UGT2A1: variants seen among roughly 807,000 people sequenced by gnomAD.
UGT2A1 encodes UDP glucuronosyltransferase family 2 member A1 complex locus, also known as UDP-glucuronosyltransferase 2A1.
In UGT2A1, 61 loss-of-function variants were observed where a neutral mutation model predicts 45.4. The observed-to-expected ratio is 1.34, with a 90% CI of 1.09 to 1.66. The LOEUF (loss-of-function observed/expected upper bound fraction) is 1.66. Ranked by LOEUF, UGT2A1 falls within the 40% of genes most tolerant of loss-of-function variation. UGT2A1 has a pLI of 0.00. For missense variants in UGT2A1, 649 were observed against 574.3 expected (o/e 1.13, Z -1.33); for synonymous variants, 229 against 196.2 (o/e 1.17, Z -1.40).
At chr4:69,627,570 G>GAAAA in intron 3 of UGT2A1, among the ~76,000 whole-genome samples, 1 of 144,092 alleles carries the variant, frequency 6.9e-6, no homozygotes, top group Admixed American at 7.0e-5. Flanking sequence ...GAGAGAGAAA[G>GAAAA]AAAGAGAGAA....
At chr4:69,639,432 A>G in intron 2 of UGT2A1, 1 of 1,613,268 alleles carries the variant, frequency 6.2e-7, no homozygotes, top group Non-Finnish European at 8.5e-7. Flanking sequence ...ATTGGAGTTG[A>G]TGAATAGAGT....
chr4:69,606,741 A>C (rs1262532759), intron 3 of UGT2A1, among the ~76,000 whole-genome samples: 1 of 137,008 alleles, frequency 7.3e-6, no homozygotes, highest in Non-Finnish European at 1.6e-5. Context: ...ATACAAAATC[A>C]ATGTGCAAAA....
At chr4:69,649,052 C>G (rs1289475310) in intron 1 of UGT2A1, among the ~76,000 whole-genome samples, 2 of 152,048 alleles carry the variant, frequency 1.3e-5, no homozygotes, top group Non-Finnish European at 2.9e-5. Flanking sequence ...AAAGCGATCT[C>G]TGTGAAAATA....
At chr4:69,596,479 A>G (rs902211700) in intron 4 of UGT2A1, 23 of 1,351,046 alleles carry the variant, frequency 1.7e-5, no homozygotes, top group Non-Finnish European at 2.0e-5. Flanking sequence ...GATATATGTC[A>G]GAGAAACTGT....
Position 69,599,265 on chromosome 4 carries a change from G to T in UGT2A1, c.977C>A (p.Pro326His). The T allele has an allele frequency of 6.2e-7, 1 of 1,613,588 alleles. No individual in the cohort carries two copies. The highest frequency in any genetic ancestry group is 1.1e-5 in the South Asian group (1 of 91,008). ...ACCTACCTTAGGTAAAGGTTTGGCAGGTTTGCAGTGCAATCCTCCAACAAA... is the reference window on the plus strand; with the variant it reads ...ACCTACCTTAGGTAAAGGTTTGGCATGTTTGCAGTGCAATCCTCCAACAAA... ...FEFVGGLHCK[P>H]AKPLPKVLWR... is the part of the protein sequence containing the mutation. The change falls in exon 4 of 7, where the codon CCT becomes CAT. Residue 326 changes from proline to histidine, a missense_variant. By Grantham distance (77) the Pro-to-His change is moderately conservative. Transcript: ENST00000286604.
chr4:69,596,402 C>T (rs756118487), intron 4 of UGT2A1: 28 of 1,540,472 alleles, frequency 1.8e-5, no homozygotes, highest in Non-Finnish European at 2.4e-5. Flanking sequence ...AATATATTTT[C>T]TATTACAAAG....
intron 3 of UGT2A1, among the ~76,000 whole-genome samples, chr4:69,617,577 CTG>C (rs1263682425): frequency 6.6e-6 from 1 of 151,872 alleles, no homozygotes; most frequent in East Asian, 1.9e-4. Context: ...GGAAGAAAGA[CTG>C]TTTCAAATTA....
chr4:69,621,048 C>A (rs1417800303), intron 3 of UGT2A1, among the ~76,000 whole-genome samples: 1 of 151,918 alleles, frequency 6.6e-6, no homozygotes. Context: ...CTATAGAAAC[C>A]TAGAAGACAA....
At chr4:69,632,624 T>G (rs944436856) in intron 3 of UGT2A1, among the ~76,000 whole-genome samples, 7 of 152,120 alleles carry the variant, frequency 4.6e-5, no homozygotes, top group African/African-American at 1.7e-4. Context: ...GCACAATGAC[T>G]CAGGCCTGTA....
intron 2 of UGT2A1, chr4:69,639,122 T>C: frequency 6.2e-7 from 1 of 1,613,550 alleles, no homozygotes; most frequent in Non-Finnish European, 8.5e-7. Context: ...TAAATGGAAT[T>C]CCTAATTTCA....
chr4:69,645,633 A>C, intron 2 of UGT2A1, among the ~76,000 whole-genome samples: 1 of 144,816 alleles, frequency 6.9e-6, no homozygotes, highest in Admixed American at 6.7e-5. Flanking sequence ...ACACCTCTCA[A>C]CTCTACTGCC....
intron 3 of UGT2A1, among the ~76,000 whole-genome samples, chr4:69,613,420 C>T (rs1720184942): frequency 1.3e-5 from 2 of 151,928 alleles, no homozygotes; most frequent in South Asian, 4.1e-4. Flanking sequence ...TAACTAATGT[C>T]AATTCTACTG....
At chr4:69,609,363 T>G (rs1489203147) in intron 3 of UGT2A1, among the ~76,000 whole-genome samples, 1 of 151,998 alleles carries the variant, frequency 6.6e-6, no homozygotes, top group East Asian at 1.9e-4. Context: ...CAGTTTTAAT[T>G]TTTTGTTTGT....
At chr4:69,619,475 T>C (rs920050658) in intron 3 of UGT2A1, among the ~76,000 whole-genome samples, 5 of 151,296 alleles carry the variant, frequency 3.3e-5, no homozygotes, top group African/African-American at 1.2e-4. Flanking sequence ...TAAATTGCAG[T>C]CTTACATACC....
chr4:69,623,585 A>G (rs1720877674), intron 3 of UGT2A1, among the ~76,000 whole-genome samples: 1 of 151,450 alleles, frequency 6.6e-6, no homozygotes, highest in Non-Finnish European at 1.5e-5. Flanking sequence ...ATAGATACAA[A>G]ATGTACAAAG....
At chr4:69,636,824 C>T (rs183653054) in intron 2 of UGT2A1, among the ~76,000 whole-genome samples, 4 of 152,142 alleles carry the variant, frequency 2.6e-5, no homozygotes, top group Non-Finnish European at 5.9e-5. Flanking sequence ...ATCCTCCTAA[C>T]GAATATAGTG....
Position 69,589,290 on chromosome 4 carries a change from C to A in UGT2A1, c.*82G>T. 1 of 1,411,838 alleles carries A rather than the reference C, an allele frequency of 7.1e-7. No homozygotes were observed. Among genetic ancestry groups the A allele is most frequent in the South Asian group, 1.7e-5 (1 of 58,100 alleles). The allele number at this position is 1,411,838 out of a possible 1,614,324, so 87.5% of individuals were successfully genotyped here. On this transcript the variant is annotated 3_prime_UTR_variant, in exon 7 of 7. Transcript: ENST00000286604. The stretch of plus-strand genomic sequence containing the variant: ...ATGGGAGACGTGTTTTTGTTAAACT[C>A]CTTTTGTCTGGAATTAATAGGACTA...
At chr4:69,611,342 A>G (rs1720037698) in intron 3 of UGT2A1, among the ~76,000 whole-genome samples, 1 of 137,454 alleles carries the variant, frequency 7.3e-6, no homozygotes, top group African/African-American at 2.8e-5. Flanking sequence ...AGTCAGAAAC[A>G]ACAAAATACA....
At chr4:69,603,530 G>C (rs1366531929) in intron 3 of UGT2A1, 1 of 136,920 alleles carries the variant, frequency 7.3e-6, no homozygotes, top group Non-Finnish European at 1.6e-5. Context: ...CCAAAGGAAA[G>C]CAGCTCCTCA....
Sources: allele counts gnomAD v4.1 joint callset (sites outside exome capture counted in the v4.1 genomes callset), GRCh38; gene constraint gnomAD v4.1.1; transcripts MANE v1.5; gene names NCBI Gene and HGNC (gene_info 2026-07-23, HGNC 2026-07-21).